Variants in THSD7A observed in about 807,000 individuals in gnomAD.
THSD7A encodes thrombospondin type-1 domain-containing protein 7A.
Under a neutral mutation model 231.3 loss-of-function variants are expected in THSD7A, and 96 were observed. The observed-to-expected ratio is 0.41, with a 90% CI of 0.35 to 0.49. THSD7A has a LOEUF of 0.49. Among genes scored for constraint, THSD7A ranks in the 20% least tolerant of loss-of-function variants. The probability of loss-of-function intolerance (pLI) is 0.05; values close to 1 mark genes in which losing one functional copy is unlikely to be tolerated. For synonymous variants in THSD7A, 940 were observed against 743.3 expected, an observed-to-expected ratio of 1.26 and a Z score of -4.30; for missense variants, 2,290 against 2,070.2, an observed-to-expected ratio of 1.11 and a Z score of -2.06.
intron 6 of THSD7A, among the ~76,000 whole-genome samples, chr7:11,516,532 T>A (rs990792279): frequency 6.6e-6 from 1 of 152,210 alleles, no homozygotes. Context: ...ACCTTGCCTG[T>A]GTGCAGAGAT....
intron 1 of THSD7A, among the ~76,000 whole-genome samples, chr7:11,657,280 T>C (rs893172760): frequency 2.0e-5 from 3 of 151,706 alleles, no homozygotes; most frequent in Non-Finnish European, 4.4e-5. Context: ...TTGAGTTGGA[T>C]AGGTAGGAAT....
At chr7:11,587,541 A>G (rs1469437968) in intron 4 of THSD7A, among the ~76,000 whole-genome samples, 3 of 152,176 alleles carry the variant, frequency 2.0e-5, no homozygotes, top group African/African-American at 7.2e-5. Context: ...TCTCCAACTT[A>G]GGATATGTTC....
chr7:11,821,111 C>T lies in THSD7A; in HGVS notation c.190+10646G>A, dbSNP rs573185745. ...CTATTGTCCTGTAACTTGTTTTTGG[C>T]TGCCTCTTGCTCAGTTCCTCTATTT... is the stretch of plus-strand genomic sequence containing the variant. On this transcript the variant is annotated intron_variant, in intron 1 of 27. Transcript: ENST00000423059. The T allele has an allele frequency of 2.0e-4, 211 of 1,049,550 alleles. 1 individual carries two copies. Among genetic ancestry groups the T allele is most frequent in the Middle Eastern group, 8.4e-4 (4 of 4,746 alleles). The allele number at this position is 1,049,550 out of a possible 1,614,324, so 65.0% of individuals were successfully genotyped here.
intron 6 of THSD7A, among the ~76,000 whole-genome samples, chr7:11,494,651 C>T (rs1015663641): frequency 6.6e-6 from 1 of 151,924 alleles, no homozygotes; most frequent in Admixed American, 6.6e-5. Flanking sequence ...ATTTGAAATA[C>T]AGAATCAAAA....
rs985425518 is a variant in THSD7A, at chr7:11,591,799, GC to G, written c.1272-1159del. On this transcript the variant is annotated intron_variant, in intron 3 of 27. Coordinates refer to ENST00000423059, the MANE Select transcript of THSD7A (RefSeq NM_015204.3). ...GGTTTGGGGATTGAAGGGGAAGGAA[GC>G]AAAACCAAATAGATCATTTGTTAAG... Among the ~76,000 whole-genome samples the G allele has an allele frequency of 1.2e-4, 18 of 152,196 alleles. No homozygotes were observed. In the Middle Eastern group the frequency reaches 0.017, roughly 144 times the overall value.
At chr7:11,468,620 G>A (rs151292769) in intron 9 of THSD7A, among the ~76,000 whole-genome samples, 2,046 of 152,196 alleles carry the variant, frequency 0.013, 19 homozygotes, top group Non-Finnish European at 0.021. Context: ...GATCACTTGA[G>A]GCCAGGAGTT....
chr7:11,729,065 T>C (rs907792021), intron 1 of THSD7A, among the ~76,000 whole-genome samples: 1 of 151,728 alleles, frequency 6.6e-6, no homozygotes, highest in Non-Finnish European at 1.5e-5. Flanking sequence ...TGAAATGATA[T>C]CTAGACAACA....
chr7:11,511,622 T>C (rs1329507919), intron 6 of THSD7A, among the ~76,000 whole-genome samples: 1 of 152,008 alleles, frequency 6.6e-6, no homozygotes, highest in African/African-American at 2.4e-5. Flanking sequence ...CCCTCAGAAA[T>C]AATACCACAC....
intron 23 of THSD7A, among the ~76,000 whole-genome samples, chr7:11,392,344 C>T (rs898424064): frequency 1.4e-4 from 21 of 152,148 alleles, no homozygotes; most frequent in African/African-American, 2.4e-4. Context: ...TGGTGCATTC[C>T]GGCCCAGATA....
chr7:11,543,224 C>T (rs1297609101), intron 4 of THSD7A, 107 bp from the exon 5 acceptor site: 2 of 928,832 alleles, frequency 2.2e-6, no homozygotes, highest in Non-Finnish European at 1.6e-6. Flanking sequence ...TAAAGAAGTG[C>T]TACCAAGACA....
rs978400670 is a variant in THSD7A, at chr7:11,831,072, T to G, written c.190+685A>C. 6.6e-6 allele frequency among the ~76,000 whole-genome samples: 1 copy of G among 152,132 alleles called. No homozygotes were observed. The highest frequency in any genetic ancestry group is 1.5e-5 in the Non-Finnish European group (1 of 68,032). On this transcript the variant is annotated intron_variant, in intron 1 of 27. Coordinates refer to ENST00000423059, the MANE Select transcript of THSD7A (RefSeq NM_015204.3). The surrounding 1 kb of genome is among the most constrained non-coding windows in gnomAD (Gnocchi z 5.0). ...CCAGAAACTCCAAGCATTTTGCCAA[T>G]GGGTAATGATGGGCAGTTAGTAGCT...
intron 1 of THSD7A, among the ~76,000 whole-genome samples, chr7:11,782,423 G>A (rs1783662478): frequency 6.6e-6 from 1 of 151,904 alleles, no homozygotes. Flanking sequence ...ATACACACAT[G>A]ACACACACAC....
intron 2 of THSD7A, among the ~76,000 whole-genome samples, chr7:11,623,637 G>A (rs1781387162): frequency 6.6e-6 from 1 of 152,114 alleles, no homozygotes; most frequent in Non-Finnish European, 1.5e-5. Context: ...GTAGAGCGAA[G>A]TGATTATTTA....
At position 11,474,250 on chromosome 7, in the gene THSD7A, C is replaced by T; in HGVS notation, c.2252+84G>A. 3 of 1,164,490 alleles carry T rather than the reference C, an allele frequency of 2.6e-6. No homozygotes were observed. The highest frequency in any genetic ancestry group is 3.6e-6 in the Non-Finnish European group (3 of 822,844). The allele number at this position is 1,164,490 out of a possible 1,614,324, so 72.1% of individuals were successfully genotyped here. ...CAGGTATGACAAGCATCAAAATGTT[C>T]CATTTCATGAAGCCAGTGAAGCCTG... is the stretch of plus-strand genomic sequence containing the variant. On this transcript the variant is annotated intron_variant, in intron 8 of 27. Coordinates refer to ENST00000423059, the MANE Select transcript of THSD7A (RefSeq NM_015204.3). This position sits in a 1 kb window ranked among gnomAD's most constrained non-coding sequence, Gnocchi z 4.1.
intron 23 of THSD7A, among the ~76,000 whole-genome samples, chr7:11,389,058 G>A (rs1221399660): frequency 1.3e-5 from 2 of 152,066 alleles, no homozygotes; most frequent in Non-Finnish European, 2.9e-5. Flanking sequence ...GTGATGTGGT[G>A]CTGAGAAGAA....
At chr7:11,829,435 T>C (rs1785126562) in intron 1 of THSD7A, among the ~76,000 whole-genome samples, 2 of 152,294 alleles carry the variant, frequency 1.3e-5, no homozygotes, top group South Asian at 4.1e-4. Flanking sequence ...TTAATGACTT[T>C]ACCAAAGTTC....
In THSD7A at chr7:11,373,340, C is replaced by A. The variant is rs1013264503; in HGVS notation, c.*2454G>T. 6.6e-6 allele frequency: 1 copy of A among 151,898 alleles called. No individual in the cohort carries two copies. 9.4% of individuals were successfully genotyped at this position (151,898 alleles called of 1,614,324 possible). ...ATTTTTCAAGTAACCACAATAGAGTCTTTCTTAACTATTTTGGACAAATGG... is the reference window on the plus strand; with the variant it reads ...ATTTTTCAAGTAACCACAATAGAGTATTTCTTAACTATTTTGGACAAATGG... On this transcript the variant is annotated 3_prime_UTR_variant, in exon 28 of 28. Transcript: ENST00000423059.
chr7:11,578,203 C>G (rs64), intron 4 of THSD7A, among the ~76,000 whole-genome samples: 75,804 of 151,946 alleles, frequency 0.5, 19,654 homozygotes, highest in Admixed American at 0.63. Context: ...TCAATTCAAC[C>G]AGAAAAGTAA....
chr7:11,754,631 A>G (rs574844705), intron 1 of THSD7A, among the ~76,000 whole-genome samples: 1 of 152,002 alleles, frequency 6.6e-6, no homozygotes, highest in Non-Finnish European at 1.5e-5. Flanking sequence ...CAGTTTTTCT[A>G]TTTAAACAAA....
Sources: gnomAD v4.1 joint callset for allele counts (sites outside exome capture counted in the v4.1 genomes callset) on GRCh38, gnomAD v4.1.1 for gene constraint, Gnocchi (gnomAD v3.1) non-coding constraint, MANE v1.5 for transcripts, NCBI Gene and HGNC (gene_info 2026-07-23, HGNC 2026-07-21) for gene names.